PKHD1L1: variants seen among roughly 807,000 people sequenced by gnomAD.
The protein encoded by PKHD1L1 is fibrocystin-L.
Under a neutral mutation model 462.9 loss-of-function variants are expected in PKHD1L1, and 434 were observed. That is an observed-to-expected ratio of 0.94 (90% confidence interval 0.87 to 1.02). The LOEUF (loss-of-function observed/expected upper bound fraction) is 1.02, where lower values mean the gene tolerates loss of function less well. PKHD1L1 is among the 50% of genes least tolerant of loss of function. The pLI is 0.00. For synonymous variants in PKHD1L1, 1,781 were observed against 1,750.0 expected, an observed-to-expected ratio of 1.02 and a Z score of -0.44; for missense variants, 5,202 against 5,096.1, an observed-to-expected ratio of 1.02 and a Z score of -0.63.
In PKHD1L1 at chr8:109,454,749, A is replaced by C. The variant is rs1299947300; in HGVS notation, c.6771A>C (p.Gln2257His). ...LQIGTETSPFQHKAVITLHGH... is the reference protein window; with the variant it reads ...LQIGTETSPFHHKAVITLHGH... ...TTGGAACAGAGACATCCCCATTCCA[A>C]CACAAGGCTGTCATTACCTTGCATG... is the stretch of plus-strand genomic sequence containing the variant. Residue 2257 changes from glutamine (Q) to histidine (H), a missense_variant, in exon 45 of 78, where the codon CAA becomes CAC. By Grantham distance (24) the Gln-to-His change is conservative. Transcript: ENST00000378402. 6.2e-7 allele frequency: 1 copy of C among 1,613,736 alleles called. No individual in the cohort carries two copies.
At chr8:109,378,231 T>G (rs1259420070) in intron 2 of PKHD1L1, among the ~76,000 whole-genome samples, 2 of 152,210 alleles carry the variant, frequency 1.3e-5, no homozygotes, top group Non-Finnish European at 2.9e-5. Flanking sequence ...ATTTATCCCA[T>G]TTTTCACTGA....
At chr8:109,370,476 T>A (rs925316091) in intron 2 of PKHD1L1, among the ~76,000 whole-genome samples, 1 of 151,494 alleles carries the variant, frequency 6.6e-6, no homozygotes, top group Non-Finnish European at 1.5e-5. Context: ...TTTTCTTATA[T>A]TTTATTTTAT....
In PKHD1L1 at chr8:109,364,581, A is replaced by G; in HGVS notation, c.108A>G (p.Ile36Met). 6.2e-7 allele frequency: 1 copy of G among 1,604,936 alleles called. No homozygotes were observed. Among genetic ancestry groups the G allele is most frequent in the East Asian group, 2.2e-5 (1 of 44,758 alleles). The part of the protein sequence containing the change: ...GSQIIPKVTE[I>M]IPKYGSINGA... ...AAATAATCCCCAAAGTCACAGAAATAATACCTAAATATGGCAGTATAAATG... is the reference window on the plus strand; with the variant it reads ...AAATAATCCCCAAAGTCACAGAAATGATACCTAAATATGGCAGTATAAATG... The change falls in exon 2 of 78, where the codon ATA becomes ATG. Residue 36 changes from isoleucine to methionine, a missense_variant. By Grantham distance (10) the Ile-to-Met change is conservative (BLOSUM62 1). Around this residue, in one of 3 missense-constraint regions of PKHD1L1, gnomAD observed 4,497 missense variants for 4,336.8 expected, o/e 1.04. Coordinates refer to ENST00000378402, the MANE Select transcript of PKHD1L1 (RefSeq NM_177531.6).
At chr8:109,421,627 C>CA (rs71564042) in intron 23 of PKHD1L1, among the ~76,000 whole-genome samples, 13,664 of 151,756 alleles carry the variant, frequency 0.09, 913 homozygotes, top group East Asian at 0.3. Context: ...CTAAAAAATA[C>CA]AAAAAAATTA....
Position 109,528,973 on chromosome 8 carries a change from G to A in PKHD1L1, c.12722-1107G>A, listed in dbSNP as rs548708175. On this transcript the variant is annotated intron_variant, in intron 77 of 77. Transcript: ENST00000378402. ...TTTGATGGGGGAGAGTTTCTGACAC[G>A]TTAGTGAAAAAAAATCACATAAGAG... 3.4e-4 allele frequency among the ~76,000 whole-genome samples: 52 copies of A among 152,104 alleles called. 1 individual carries two copies. The South Asian group carries it at 7.5e-3, about 22-fold the overall frequency.
chr8:109,496,796 C>T, intron 63 of PKHD1L1, 123 bp from the exon 64 acceptor site: 1 of 1,022,902 alleles, frequency 9.8e-7, no homozygotes. Context: ...CATATTAAAC[C>T]TGATATCAGA....
intron 3 of PKHD1L1, 108 bp downstream of exon 3, chr8:109,381,622 T>C (rs1423013697): frequency 3.5e-6 from 3 of 860,180 alleles, no homozygotes; most frequent in Non-Finnish European, 5.0e-6. Flanking sequence ...ATAAATAATA[T>C]TTTTCTGATT....
intron 60 of PKHD1L1, 91 bp downstream of exon 60, chr8:109,490,146 A>T: frequency 1.3e-6 from 1 of 776,132 alleles, no homozygotes; most frequent in South Asian, 2.2e-5. Flanking sequence ...ATCTTATATT[A>T]GCTAAAATTA....
At chr8:109,368,012 A>G (rs1453645353) in intron 2 of PKHD1L1, among the ~76,000 whole-genome samples, 1 of 152,244 alleles carries the variant, frequency 6.6e-6, no homozygotes, top group Non-Finnish European at 1.5e-5. Context: ...GATTGTAGAA[A>G]TTATTATACC....
rs564847789 is a variant in PKHD1L1, at chr8:109,363,163, G to C, written c.73+510G>C. 3.6e-4 allele frequency among the ~76,000 whole-genome samples: 55 copies of C among 152,282 alleles called. No homozygotes were observed. The South Asian group carries it at 1.0e-2, about 28-fold the overall frequency. On this transcript the variant is annotated intron_variant, in intron 1 of 77. Transcript: ENST00000378402. ...AATACCCAGAAGAGGGCTGGGAAGA[G>C]ACTGATAAGATAAGAAATTGGAGTT...
chr8:109,398,903 A>G (rs1439541378), intron 12 of PKHD1L1, among the ~76,000 whole-genome samples: 2 of 152,198 alleles, frequency 1.3e-5, no homozygotes, highest in African/African-American at 4.8e-5. Context: ...TGATTAAAAA[A>G]AGATAAATAG....
chr8:109,502,897 G>A (rs1477435762), intron 67 of PKHD1L1, among the ~76,000 whole-genome samples: 2 of 151,990 alleles, frequency 1.3e-5, no homozygotes, highest in East Asian at 3.8e-4. Context: ...TGAGGCAAAA[G>A]GTTCTTCCAT....
intron 31 of PKHD1L1, 107 bp from the exon 32 acceptor site, chr8:109,438,790 T>C: frequency 1.0e-6 from 1 of 956,610 alleles, no homozygotes; most frequent in Non-Finnish European, 1.5e-6. Flanking sequence ...TAGGATTTCC[T>C]AAATCCAATG....
chr8:109,404,980 T>C lies in PKHD1L1; in HGVS notation c.1534-15T>C, dbSNP rs779015148. ...ATTTTTCATATATTAAAAATGTTTC[T>C]TAATTGGAAAATAGGTTATAACATT... On this transcript the variant is annotated splice_polypyrimidine_tract_variant and intron_variant, in intron 15 of 77. Coordinates refer to ENST00000378402, the MANE Select transcript of PKHD1L1 (RefSeq NM_177531.6). The C allele has an allele frequency of 7.0e-7, 1 of 1,432,246 alleles. No individual in the cohort carries two copies. Among genetic ancestry groups the C allele is most frequent in the South Asian group, 1.4e-5 (1 of 69,090 alleles). 88.7% of individuals were successfully genotyped at this position (1,432,246 alleles called of 1,614,324 possible). A position where few individuals can be genotyped will look rare whatever the true frequency, so the allele number is the denominator to read the frequency against.
At chr8:109,368,484 T>C (rs905754885) in intron 2 of PKHD1L1, among the ~76,000 whole-genome samples, 6 of 152,222 alleles carry the variant, frequency 3.9e-5, no homozygotes, top group Non-Finnish European at 7.3e-5. Context: ...GTACCCATTA[T>C]AAATAGTATA....
rs777136100 is a variant in PKHD1L1, at chr8:109,400,159, C to T, written c.1096C>T (p.Pro366Ser). 1.5e-5 allele frequency: 24 copies of T among 1,613,506 alleles called. No homozygotes were observed. The highest frequency in any genetic ancestry group is 4.5e-5 in the East Asian group (2 of 44,890). The change falls in exon 13 of 78, where the codon CCT (proline) becomes TCT (serine). Residue 366 changes from proline (P) to serine (S), a missense_variant. Around this residue, in one of 3 missense-constraint regions of PKHD1L1, gnomAD observed 4,497 missense variants for 4,336.8 expected, o/e 1.04. Coordinates refer to ENST00000378402, the MANE Select transcript of PKHD1L1 (RefSeq NM_177531.6). ...EEILEYNEKTPGYMGASWVDS... is the reference protein window; with the variant it reads ...EEILEYNEKTSGYMGASWVDS... ...GATACTGGAATACAATGAAAAAACG[C>T]CTGGGTACATGGGTGCCAGTTGGGT... is the stretch of plus-strand genomic sequence containing the variant.
chr8:109,510,988 T>C, intron 71 of PKHD1L1, 54 bp downstream of exon 71: 2 of 1,569,496 alleles, frequency 1.3e-6, no homozygotes, highest in South Asian at 1.2e-5. Context: ...ATGTTATTTC[T>C]ATCTGCTAAG....
intron 9 of PKHD1L1, among the ~76,000 whole-genome samples, chr8:109,390,947 A>G (rs1812683352): frequency 6.6e-6 from 1 of 152,184 alleles, no homozygotes; most frequent in East Asian, 1.9e-4. Flanking sequence ...CTTAACAGCA[A>G]TATTAATAAC....
chr8:109,404,928 G>T, intron 15 of PKHD1L1, 67 bp from the exon 16 acceptor site: 1 of 1,207,736 alleles, frequency 8.3e-7, no homozygotes, highest in Non-Finnish European at 1.1e-6. Flanking sequence ...TTGAATAGCT[G>T]AATTATGATG....
Sources: allele counts gnomAD v4.1 joint callset (sites outside exome capture counted in the v4.1 genomes callset), GRCh38; gene constraint gnomAD v4.1.1; regional missense constraint gnomAD v4.1.1; transcripts MANE v1.5; gene names NCBI Gene and HGNC (gene_info 2026-07-23, HGNC 2026-07-21).